Variants in SYT16 observed in about 807,000 individuals in gnomAD.
The protein encoded by SYT16 is synaptotagmin 16, also known as synaptotagmin-16.
A neutral mutation model predicts 61.4 loss-of-function variants in SYT16; 42 were observed. That is an observed-to-expected ratio of 0.68 (90% CI 0.53 to 0.89). The LOEUF is 0.89. Ranked by LOEUF, SYT16 falls within the 40% of genes least tolerant of loss-of-function variation. The pLI, the probability that SYT16 is intolerant of heterozygous loss-of-function variation, is 0.00. For synonymous variants in SYT16, 314 were observed against 302.3 expected (o/e 1.04, Z -0.40); for missense variants, 804 against 807.3 (o/e 1.00, Z 0.05).
At chr14:61,909,220 G>A (rs542104015) in intron 1 of SYT16, among the ~76,000 whole-genome samples, 1 of 152,292 alleles carries the variant, frequency 6.6e-6, no homozygotes, top group South Asian at 2.1e-4. Flanking sequence ...TTTACTTTAT[G>A]TTCTAATTTT....
intron 3 of SYT16, among the ~76,000 whole-genome samples, chr14:61,997,259 C>A (rs1176987707): frequency 4.6e-5 from 7 of 152,040 alleles, no homozygotes; most frequent in Non-Finnish European, 1.0e-4. Context: ...GGACATTCCA[C>A]CTGGTTAAGG....
chr14:61,852,348 A>T (rs997366769), intron 1 of SYT16, among the ~76,000 whole-genome samples: 8 of 152,200 alleles, frequency 5.3e-5, no homozygotes, highest in African/African-American at 1.9e-4. Context: ...GAAGTTGAGT[A>T]GCGTGATACT....
chr14:61,863,361 A>G lies in SYT16; in HGVS notation c.-325+50551A>G, dbSNP rs546314990. ...TTTTAATTTACCTTTCCCTGACAAC[A>G]TATAATCTGGAACATCTTTTTACAT... On this transcript the variant is annotated intron_variant, in intron 1 of 7. Coordinates refer to ENST00000683842, the MANE Select transcript of SYT16 (RefSeq NM_001367656.1). Among the ~76,000 whole-genome samples the G allele has an allele frequency of 2.6e-5, 4 of 152,332 alleles. No homozygotes were observed. In the East Asian group the frequency reaches 7.7e-4, roughly 29 times the overall value.
At chr14:61,909,669 G>A (rs540252387) in intron 1 of SYT16, among the ~76,000 whole-genome samples, 5 of 152,294 alleles carry the variant, frequency 3.3e-5, no homozygotes, top group Middle Eastern at 3.4e-3. Flanking sequence ...CAGGTTATGA[G>A]TGTTAGGGCA....
chr14:62,020,590 G>T (rs1375925750), intron 3 of SYT16, among the ~76,000 whole-genome samples: 1 of 152,182 alleles, frequency 6.6e-6, no homozygotes, highest in African/African-American at 2.4e-5. Context: ...CTCTTAAAAA[G>T]TTGTCCATGT....
intron 2 of SYT16, among the ~76,000 whole-genome samples, chr14:61,987,743 CCTTT>C (rs2052377662): frequency 1.9e-4 from 3 of 16,014 alleles, no homozygotes; most frequent in African/African-American, 2.1e-4. Context: ...TGATTTTTTT[CCTTT>C]TTTTTTTTTT....
At chr14:61,981,359 T>C (rs1566735860) in intron 2 of SYT16, among the ~76,000 whole-genome samples, 1 of 152,310 alleles carries the variant, frequency 6.6e-6, no homozygotes, top group East Asian at 1.9e-4. Flanking sequence ...ATCTTACCTT[T>C]CATCTATCTG....
rs1382146198 is a variant in SYT16, at chr14:61,860,699, A to G, written c.-325+47889A>G. On this transcript the variant is annotated intron_variant, in intron 1 of 7. Transcript: ENST00000683842. ...GGGCCAAGAGAATGGGAGAAAATGG[A>G]GTAGGGAAAAGTAGAAAGATTGCTG... 2.0e-5 allele frequency among the ~76,000 whole-genome samples: 3 copies of G among 152,224 alleles called. No individual in the cohort carries two copies. In the East Asian group the frequency reaches 5.8e-4, roughly 29 times the overall value.
At chr14:61,951,863 C>T (rs1367188906) in intron 1 of SYT16, among the ~76,000 whole-genome samples, 1 of 152,242 alleles carries the variant, frequency 6.6e-6, no homozygotes, top group Non-Finnish European at 1.5e-5. Context: ...GATCACTGCT[C>T]ACTGCAGCCT....
In SYT16 at chr14:62,110,657, T is replaced by A. The variant is rs1326615028; in HGVS notation, c.*9950T>A. The A allele has an allele frequency of 6.6e-6, 1 of 152,100 alleles. No individual in the cohort carries two copies. The highest frequency in any genetic ancestry group is 2.4e-5 in the African/African-American group (1 of 41,440). 9.4% of individuals were successfully genotyped at this position (152,100 alleles called of 1,614,324 possible). A position where few individuals can be genotyped will look rare whatever the true frequency, so the allele number is the denominator to read the frequency against. On this transcript the variant is annotated 3_prime_UTR_variant, in exon 8 of 8. Transcript: ENST00000683842. ...CTCTGAGGAGCTAGAAATAAAATATTAGGTTCTAATTTTTTTTTGTTCAAA... is the reference window on the plus strand; with the variant it reads ...CTCTGAGGAGCTAGAAATAAAATATAAGGTTCTAATTTTTTTTTGTTCAAA...
chr14:61,952,148 G>A (rs1228633629), intron 1 of SYT16, among the ~76,000 whole-genome samples: 1 of 148,150 alleles, frequency 6.7e-6, no homozygotes, highest in East Asian at 1.9e-4. Flanking sequence ...TTTTTTTTTG[G>A]CAAATGACAT....
intron 1 of SYT16, among the ~76,000 whole-genome samples, chr14:61,836,858 G>C (rs1232189505): frequency 6.6e-6 from 1 of 151,912 alleles, no homozygotes; most frequent in African/African-American, 2.4e-5. Context: ...TTTTTGTGTG[G>C]CCTTAAATTA....
intron 3 of SYT16, among the ~76,000 whole-genome samples, chr14:62,055,219 T>C (rs1468854686): frequency 6.6e-6 from 1 of 152,166 alleles, no homozygotes; most frequent in African/African-American, 2.4e-5. Context: ...TGTATGCAAA[T>C]GCCACCATAG....
intron 3 of SYT16, among the ~76,000 whole-genome samples, chr14:62,004,250 CAG>C (rs769924676): frequency 1.3e-5 from 2 of 151,836 alleles, no homozygotes; most frequent in South Asian, 2.1e-4. Context: ...GACAGAGAGA[CAG>C]AGAGAGAGAG....
At chr14:61,915,595 T>C (rs531739111) in intron 1 of SYT16, among the ~76,000 whole-genome samples, 2 of 152,278 alleles carry the variant, frequency 1.3e-5, no homozygotes, top group South Asian at 4.1e-4. Context: ...TGTGTATACA[T>C]ACATTTATTA....
At chr14:61,865,107 A>G (rs1415093302) in intron 1 of SYT16, 2 of 1,343,330 alleles carry the variant, frequency 1.5e-6, no homozygotes, top group Non-Finnish European at 2.1e-6. Flanking sequence ...CATCTGCTGG[A>G]CTATGAAGCC....
chr14:61,812,664 G>GGGCGCGCGGCAGGAGGGGCTGTGCGC (rs2045303522), upstream of SYT16: 1 of 146,574 alleles, frequency 6.8e-6, no homozygotes, highest in African/African-American at 2.5e-5. Context: ...GGCGCGGCGG[G>GGGCGCGCGGCAGGAGGGGCTGTGCGC]GGCGCGCGGC....
intron 7 of SYT16, among the ~76,000 whole-genome samples, chr14:62,086,822 C>T (rs2056902809): frequency 6.6e-6 from 1 of 152,154 alleles, no homozygotes; most frequent in East Asian, 1.9e-4. Context: ...TGCAATAAAA[C>T]TTAAAATGTA....
chr14:61,916,817 C>A (rs950679868), intron 1 of SYT16, among the ~76,000 whole-genome samples: 4 of 152,058 alleles, frequency 2.6e-5, no homozygotes, highest in African/African-American at 9.7e-5. Context: ...CTTTTGGCTC[C>A]CACATATAAG....
Sources: gnomAD v4.1 joint callset for allele counts (sites outside exome capture counted in the v4.1 genomes callset) on GRCh38, gnomAD v4.1.1 for gene constraint, MANE v1.5 for transcripts, NCBI Gene and HGNC (gene_info 2026-07-23, HGNC 2026-07-21) for gene names.